The following SMARCAD1 variants were observed in gnomAD, a reference collection of about 807,000 sequenced individuals.
The protein encoded by SMARCAD1 is SWI/SNF-related matrix-associated actin-dependent regulator of chromatin subfamily A containing DEAD/H box 1.
In SMARCAD1, 25 loss-of-function variants were observed where a neutral mutation model predicts 127.1. The ratio of observed to expected loss-of-function variants is 0.20; its 90% CI spans 0.14 to 0.27. SMARCAD1 has a LOEUF of 0.27. Among genes scored for constraint, SMARCAD1 ranks in the 10% least tolerant of loss-of-function variants. The pLI is 1.00. For missense variants in SMARCAD1, 807 were observed against 1,206.0 expected (o/e 0.67, Z 4.90); for synonymous variants, 400 against 396.9 (o/e 1.01, Z -0.09).
intron 23 of SMARCAD1, among the ~76,000 whole-genome samples, chr4:94,288,984 T>C (rs947167041): frequency 1.3e-5 from 2 of 152,204 alleles, no homozygotes; most frequent in Admixed American, 6.5e-5. Flanking sequence ...GTGGCTAATT[T>C]AATCATCAGC....
intron 11 of SMARCAD1, among the ~76,000 whole-genome samples, chr4:94,273,209 TA>T (rs1752794385): frequency 6.6e-6 from 1 of 152,218 alleles, no homozygotes; most frequent in South Asian, 2.1e-4. Context: ...ATTATATTCT[TA>T]AGGGTAGAAT....
intron 6 of SMARCAD1, chr4:94,248,486 CTGG>C (rs1748797762): frequency 2.2e-6 from 1 of 456,014 alleles, no homozygotes; most frequent in Non-Finnish European, 4.4e-6. Flanking sequence ...TTCAGTGTGC[CTGG>C]GCTGTAAAGG....
chr4:94,221,622 C>T (rs1560515148), intron 2 of SMARCAD1, among the ~76,000 whole-genome samples: 2 of 152,062 alleles, frequency 1.3e-5, no homozygotes, highest in African/African-American at 4.8e-5. Flanking sequence ...GAGATTTTGA[C>T]AAATATAAAA....
At chr4:94,254,206 G>C (rs1303433513) in intron 9 of SMARCAD1, among the ~76,000 whole-genome samples, 1 of 152,074 alleles carries the variant, frequency 6.6e-6, no homozygotes, top group African/African-American at 2.4e-5. Flanking sequence ...GAGAACATCT[G>C]TCAAAGCAGG....
chr4:94,239,397 T>C (rs1009094355), intron 5 of SMARCAD1, among the ~76,000 whole-genome samples: 19 of 151,314 alleles, frequency 1.3e-4, no homozygotes, highest in Non-Finnish European at 8.8e-5. Context: ...TCATCCTGCG[T>C]ATTAAACACT....
At chr4:94,270,098 C>G (rs965019428) in intron 10 of SMARCAD1, among the ~76,000 whole-genome samples, 2 of 151,244 alleles carry the variant, frequency 1.3e-5, no homozygotes, top group African/African-American at 2.4e-5. Context: ...TGTTCACTGT[C>G]TTTTAGCATT....
chr4:94,222,334 G>A (rs927898793), intron 2 of SMARCAD1, among the ~76,000 whole-genome samples: 1 of 152,114 alleles, frequency 6.6e-6, no homozygotes, highest in Non-Finnish European at 1.5e-5. Flanking sequence ...AGTATGGTAA[G>A]TATCAGAGAT....
intron 8 of SMARCAD1, among the ~76,000 whole-genome samples, 176 bp from the exon 9 acceptor site, chr4:94,252,440 G>A (rs1749419421): frequency 6.6e-6 from 1 of 152,140 alleles, no homozygotes; most frequent in Non-Finnish European, 1.5e-5. Context: ...TGAAACAATT[G>A]TTTAACTTCA....
At chr4:94,248,621 T>A (rs7435106) in intron 6 of SMARCAD1, 190,709 of 440,852 alleles carry the variant, frequency 0.43, 44,582 homozygotes, top group East Asian at 0.72. Flanking sequence ...TAGGCTTTAT[T>A]CCATGTTAGC....
At chr4:94,249,603 A>G in intron 6 of SMARCAD1, 51 bp from the exon 7 acceptor site, 1 of 944,126 alleles carries the variant, frequency 1.1e-6, no homozygotes, top group East Asian at 2.4e-5. Context: ...CCTTAAGACC[A>G]TTGTTATTGA....
chr4:94,288,321 T>G (rs1428920966), intron 23 of SMARCAD1, among the ~76,000 whole-genome samples: 1 of 152,184 alleles, frequency 6.6e-6, no homozygotes, highest in Non-Finnish European at 1.5e-5. Flanking sequence ...ACACAGCATT[T>G]TATTGTATTC....
intron 21 of SMARCAD1, among the ~76,000 whole-genome samples, chr4:94,282,513 T>G (rs1215327629): frequency 2.0e-5 from 3 of 152,164 alleles, no homozygotes; most frequent in African/African-American, 7.2e-5. Flanking sequence ...TCTTTCACAT[T>G]TTAAGGGTAA....
intron 19 of SMARCAD1, 132 bp from the exon 20 acceptor site, chr4:94,280,460 G>A (rs1753860455): frequency 2.6e-6 from 2 of 765,784 alleles, no homozygotes; most frequent in African/African-American, 3.5e-5. Flanking sequence ...AATTTTCCTT[G>A]ATAAGTCTGT....
intron 15 of SMARCAD1, 105 bp downstream of exon 15, chr4:94,276,579 T>C (rs544207145): frequency 1.4e-6 from 2 of 1,400,338 alleles, no homozygotes; most frequent in African/African-American, 1.4e-5. Context: ...TAGTTTAATA[T>C]ATGTAGTATT....
chr4:94,232,169 TC>T (rs1364252078), intron 3 of SMARCAD1, among the ~76,000 whole-genome samples: 1 of 152,186 alleles, frequency 6.6e-6, no homozygotes, highest in African/African-American at 2.4e-5. Context: ...GGCTGGTTTT[TC>T]TTTTTCTTCA....
intron 9 of SMARCAD1, among the ~76,000 whole-genome samples, chr4:94,260,962 ATTTT>A (rs1210032229): frequency 6.6e-6 from 1 of 151,978 alleles, no homozygotes; most frequent in African/African-American, 2.4e-5. Flanking sequence ...GTCTGCTGTA[ATTTT>A]TTTTATATTA....
At chr4:94,245,398 T>A (rs950005479) in intron 6 of SMARCAD1, among the ~76,000 whole-genome samples, 1 of 152,228 alleles carries the variant, frequency 6.6e-6, no homozygotes, top group Non-Finnish European at 1.5e-5. Context: ...TTGAAGATAA[T>A]GGCTTTACTG....
chr4:94,251,241 A>C (rs1749231012), intron 8 of SMARCAD1, among the ~76,000 whole-genome samples: 1 of 152,142 alleles, frequency 6.6e-6, no homozygotes, highest in African/African-American at 2.4e-5. Context: ...AGCATCAAAA[A>C]CTTAAGGGTA....
chr4:94,216,369 T>C (rs59023050), intron 2 of SMARCAD1, among the ~76,000 whole-genome samples: 10,307 of 152,204 alleles, frequency 0.068, 1,181 homozygotes, highest in African/African-American at 0.23. Context: ...GTTCATCCTT[T>C]CCTCTAAGTC....
Sources: allele counts gnomAD v4.1 joint callset (sites outside exome capture counted in the v4.1 genomes callset), GRCh38; gene constraint gnomAD v4.1.1; transcripts MANE v1.5; gene names NCBI Gene and HGNC (gene_info 2026-07-23, HGNC 2026-07-21).